The following PLCB4 variants were observed in gnomAD, a reference collection of about 807,000 sequenced individuals.
PLCB4 encodes the protein 1-phosphatidylinositol 4,5-bisphosphate phosphodiesterase beta-4.
Under a neutral mutation model 178.8 loss-of-function variants are expected in PLCB4, and 77 were observed. The observed-to-expected ratio is 0.43, with a 90% CI of 0.36 to 0.52. The LOEUF (loss-of-function observed/expected upper bound fraction) is 0.52, where lower values mean the gene tolerates loss of function less well. PLCB4 is among the 20% of genes least tolerant of loss of function. The pLI is 0.00. For synonymous variants in PLCB4, 496 were observed against 490.8 expected, an observed-to-expected ratio of 1.01 and a Z score of -0.14; for missense variants, 1,024 against 1,453.4, an observed-to-expected ratio of 0.70 and a Z score of 4.80.
At chr20:9,164,536 C>G (rs779506978) in intron 2 of PLCB4, among the ~76,000 whole-genome samples, 51 of 151,704 alleles carry the variant, frequency 3.4e-4, no homozygotes, top group Non-Finnish European at 6.5e-4. Flanking sequence ...TGATTAGAAT[C>G]TATATAAACT....
chr20:9,294,710 G>T (rs577898461), intron 3 of PLCB4, among the ~76,000 whole-genome samples: 44 of 152,062 alleles, frequency 2.9e-4, no homozygotes, highest in African/African-American at 1.1e-3. Flanking sequence ...AGCTTACATT[G>T]CAATCACCTG....
intron 3 of PLCB4, among the ~76,000 whole-genome samples, chr20:9,306,128 T>C (rs1348005108): frequency 6.6e-6 from 1 of 152,146 alleles, no homozygotes; most frequent in Admixed American, 6.6e-5. Flanking sequence ...CTATTTTCTA[T>C]ATCTCTAACT....
chr20:9,480,522 T>C lies in PLCB4; in HGVS notation c.*1513T>C, dbSNP rs1352521212. 2 of 152,454 alleles carry C rather than the reference T, an allele frequency of 1.3e-5. No individual in the cohort carries two copies. Among genetic ancestry groups the C allele is most frequent in the Admixed American group, 6.5e-5 (1 of 15,270 alleles). 9.4% of individuals were successfully genotyped at this position (152,454 alleles called of 1,614,324 possible). A position where few individuals can be genotyped will look rare whatever the true frequency, so the allele number is the denominator to read the frequency against. ...CTCCCAAGACACATTCTAGCAAATGTTTTGCCTTTTTCATATACATGATAT... is the reference window on the plus strand; with the variant it reads ...CTCCCAAGACACATTCTAGCAAATGCTTTGCCTTTTTCATATACATGATAT... On this transcript the variant is annotated 3_prime_UTR_variant, in exon 40 of 40. Coordinates refer to ENST00000378473, the MANE Select transcript of PLCB4 (RefSeq NM_001377142.1).
intron 2 of PLCB4, among the ~76,000 whole-genome samples, chr20:9,151,639 C>T (rs185773474): frequency 6.6e-6 from 1 of 152,112 alleles, no homozygotes; most frequent in Non-Finnish European, 1.5e-5. Flanking sequence ...ACTGTAAGTC[C>T]AATTAAACCT....
intron 3 of PLCB4, among the ~76,000 whole-genome samples, chr20:9,279,295 C>T (rs1015042493): frequency 1.3e-5 from 2 of 152,058 alleles, no homozygotes; most frequent in Non-Finnish European, 2.9e-5. Flanking sequence ...TTCAGTTTCT[C>T]ATGCAGCTGA....
intron 12 of PLCB4, among the ~76,000 whole-genome samples, chr20:9,376,561 C>A (rs2036692529): frequency 6.6e-6 from 1 of 152,104 alleles, no homozygotes; most frequent in Admixed American, 6.5e-5. Context: ...ATAGCAGAGG[C>A]ACTTAATGTG....
chr20:9,178,806 A>T (rs1234277940), intron 2 of PLCB4, among the ~76,000 whole-genome samples: 2 of 152,116 alleles, frequency 1.3e-5, no homozygotes, highest in Non-Finnish European at 2.9e-5. Flanking sequence ...ACTTTTAGCC[A>T]CAAAAATGTA....
intron 4 of PLCB4, among the ~76,000 whole-genome samples, chr20:9,323,757 GC>G (rs2029879696): frequency 6.6e-6 from 1 of 152,114 alleles, no homozygotes; most frequent in Admixed American, 6.5e-5. Flanking sequence ...AAATGTCCCT[GC>G]CCAGGCTGTA....
intron 3 of PLCB4, among the ~76,000 whole-genome samples, chr20:9,222,530 G>A (rs1369484685): frequency 5.9e-5 from 9 of 152,154 alleles, no homozygotes; most frequent in Admixed American, 5.2e-4. Flanking sequence ...GCTTCATTAA[G>A]ACAGCGAAAA....
chr20:9,368,191 G>T (rs756530608), intron 9 of PLCB4, among the ~76,000 whole-genome samples: 1 of 152,194 alleles, frequency 6.6e-6, no homozygotes, highest in South Asian at 2.1e-4. Flanking sequence ...GCTTGGGAAT[G>T]GTTCCTGCTC....
intron 25 of PLCB4, among the ~76,000 whole-genome samples, chr20:9,419,279 G>A (rs1022661993): frequency 3.3e-5 from 5 of 152,120 alleles, no homozygotes; most frequent in African/African-American, 1.2e-4. Context: ...AGTCACATTA[G>A]TGGTACCCGT....
chr20:9,266,970 T>C (rs2094355560), intron 3 of PLCB4, among the ~76,000 whole-genome samples: 1 of 152,144 alleles, frequency 6.6e-6, no homozygotes, highest in African/African-American at 2.4e-5. Context: ...CAGCAGTACC[T>C]TAGGATAGAG....
chr20:9,175,941 A>ACAC (rs2093147556), intron 2 of PLCB4, among the ~76,000 whole-genome samples: 1 of 152,132 alleles, frequency 6.6e-6, no homozygotes, highest in African/African-American at 2.4e-5. Flanking sequence ...GCAAATGTGT[A>ACAC]CACCACCACC....
At chr20:9,356,095 C>G (rs188985911) in intron 7 of PLCB4, among the ~76,000 whole-genome samples, 27 of 152,278 alleles carry the variant, frequency 1.8e-4, no homozygotes, top group East Asian at 5.8e-4. Flanking sequence ...TAAATGTCTT[C>G]TTTTGAGAAG....
chr20:9,343,573 G>T (rs553503386), intron 7 of PLCB4, among the ~76,000 whole-genome samples: 10 of 152,264 alleles, frequency 6.6e-5, no homozygotes, highest in Admixed American at 2.6e-4. Flanking sequence ...TAACAGCATT[G>T]TTAAGAGACA....
chr20:9,353,074 A>G (rs1000745631), intron 7 of PLCB4, among the ~76,000 whole-genome samples: 3 of 152,144 alleles, frequency 2.0e-5, no homozygotes, highest in Non-Finnish European at 4.4e-5. Context: ...TATGAGGATT[A>G]TTATTGACTT....
At chr20:9,383,162 A>G (rs1352840407) in intron 13 of PLCB4, among the ~76,000 whole-genome samples, 2 of 152,236 alleles carry the variant, frequency 1.3e-5, no homozygotes, top group Non-Finnish European at 2.9e-5. Context: ...GGATAAATGC[A>G]TATGTAGTAA....
intron 2 of PLCB4, among the ~76,000 whole-genome samples, chr20:9,181,799 G>A (rs575234210): frequency 1.3e-5 from 2 of 151,950 alleles, no homozygotes; most frequent in Non-Finnish European, 2.9e-5. Flanking sequence ...GGACACAAAT[G>A]TTCAGTCCCT....
chr20:9,191,688 A>C (rs1275062273), intron 2 of PLCB4, among the ~76,000 whole-genome samples: 2 of 151,988 alleles, frequency 1.3e-5, no homozygotes, highest in Non-Finnish European at 2.9e-5. Context: ...TTTTGTTTGG[A>C]AATATACCCC....
Sources: allele counts gnomAD v4.1 joint callset (sites outside exome capture counted in the v4.1 genomes callset), GRCh38; gene constraint gnomAD v4.1.1; transcripts MANE v1.5; gene names NCBI Gene and HGNC (gene_info 2026-07-23, HGNC 2026-07-21).